The following LAMA2 variants were observed in gnomAD, a reference collection of about 807,000 sequenced individuals.
LAMA2 encodes the protein laminin subunit alpha 2.
A neutral mutation model predicts 364.8 loss-of-function variants in LAMA2; 269 were observed. The observed-to-expected ratio is 0.74, with a 90% CI of 0.67 to 0.82. The LOEUF is 0.82. Ranked by LOEUF, LAMA2 falls within the 40% of genes least tolerant of loss-of-function variation. LAMA2 has a pLI of 0.00. For synonymous variants in LAMA2, 1,379 were observed against 1,370.6 expected (o/e 1.01, Z -0.14); for missense variants, 3,807 against 3,873.2 (o/e 0.98, Z 0.45).
intron 1 of LAMA2, among the ~76,000 whole-genome samples, chr6:128,914,085 A>C (rs1394394365): frequency 6.6e-6 from 1 of 152,206 alleles, no homozygotes; most frequent in Non-Finnish European, 1.5e-5. Context: ...CAAGGTTATT[A>C]ACAGAAATTA....
rs572718535 is a variant in LAMA2 at position 129,281,726 on chromosome 6, C to T, written c.2537+1579C>T. 5.9e-5 allele frequency among the ~76,000 whole-genome samples: 9 copies of T among 152,206 alleles called. No homozygotes were observed. The South Asian group carries it at 8.3e-4, about 14-fold the overall frequency. On this transcript the variant is annotated intron_variant, in intron 18 of 64. Transcript: ENST00000421865. ...CCTGACAGAAAGTATGATTTCCTGT[C>T]TAAAATCTGTATTAATCTGATTCAG...
chr6:129,426,958 T>C (rs1446563499), intron 40 of LAMA2, among the ~76,000 whole-genome samples: 1 of 152,208 alleles, frequency 6.6e-6, no homozygotes, highest in African/African-American at 2.4e-5. Context: ...ACTTTTCCAA[T>C]TTAAAATTTA....
intron 4 of LAMA2, among the ~76,000 whole-genome samples, chr6:129,143,322 TA>T (rs71793304): frequency 0.093 from 13,661 of 146,732 alleles, 653 homozygotes; most frequent in Non-Finnish European, 0.12. Context: ...TATTAATTAC[TA>T]AAAAAAAAAA....
At chr6:129,179,070 T>G (rs1780780711) in intron 10 of LAMA2, among the ~76,000 whole-genome samples, 1 of 152,068 alleles carries the variant, frequency 6.6e-6, no homozygotes, top group South Asian at 2.1e-4. Flanking sequence ...CAATATTATC[T>G]GAAATGAAAA....
intron 3 of LAMA2, among the ~76,000 whole-genome samples, chr6:129,082,420 C>T (rs899262949): frequency 2.0e-5 from 3 of 152,052 alleles, no homozygotes; most frequent in East Asian, 1.9e-4. Context: ...GTGATCCAAA[C>T]GTTTTAAACA....
intron 4 of LAMA2, among the ~76,000 whole-genome samples, chr6:129,121,199 T>C (rs2448012): frequency 0.7 from 105,736 of 152,024 alleles, 39,132 homozygotes; most frequent in East Asian, 0.83. Context: ...AGGGAACTTA[T>C]AAAAACAAAT....
chr6:129,197,492 C>T (rs916330237), intron 12 of LAMA2, among the ~76,000 whole-genome samples: 1 of 152,244 alleles, frequency 6.6e-6, no homozygotes. Flanking sequence ...CACCTCGCTT[C>T]AAGATGTCCT....
chr6:128,905,366 T>G (rs1037520468), intron 1 of LAMA2: 12 of 152,126 alleles, frequency 7.9e-5, no homozygotes, highest in Admixed American at 5.9e-4. Flanking sequence ...TTCACTTTCC[T>G]AAATTTTAAC....
chr6:129,249,664 G>T (rs1220426259), intron 12 of LAMA2, among the ~76,000 whole-genome samples: 1 of 152,166 alleles, frequency 6.6e-6, no homozygotes, highest in Non-Finnish European at 1.5e-5. Context: ...GCTATGTAAA[G>T]TGCCTGTCAA....
At chr6:129,233,861 G>A (rs1034954198) in intron 12 of LAMA2, among the ~76,000 whole-genome samples, 1 of 152,102 alleles carries the variant, frequency 6.6e-6, no homozygotes, top group Non-Finnish European at 1.5e-5. Context: ...CCTTCACTAA[G>A]GGTCTTGAAA....
intron 3 of LAMA2, among the ~76,000 whole-genome samples, chr6:129,066,138 C>A (rs1052344706): frequency 7.1e-6 from 1 of 141,654 alleles, no homozygotes; most frequent in Admixed American, 7.2e-5. Flanking sequence ...CTCCGCCTCC[C>A]GGGTTCATGC....
chr6:129,148,945 C>A, intron 6 of LAMA2, 34 bp from the exon 7 acceptor site: 2 of 1,407,642 alleles, frequency 1.4e-6, no homozygotes, highest in Non-Finnish European at 2.0e-6. Context: ...CTAAATGAGG[C>A]TAAAATTTGT....
intron 3 of LAMA2, among the ~76,000 whole-genome samples, chr6:129,086,806 A>G (rs987393906): frequency 6.6e-6 from 1 of 152,222 alleles, no homozygotes; most frequent in Non-Finnish European, 1.5e-5. Context: ...TCACTGAGCT[A>G]AAGTCCAGGT....
chr6:128,921,097 C>T (rs1778681359), intron 1 of LAMA2, among the ~76,000 whole-genome samples: 1 of 152,104 alleles, frequency 6.6e-6, no homozygotes, highest in African/African-American at 2.4e-5. Flanking sequence ...ATCAGAACAT[C>T]TCATATAGTA....
chr6:129,516,268 C>T lies in LAMA2; in HGVS notation c.9290C>T (p.Thr3097Ile). 1.2e-6 allele frequency: 2 copies of T among 1,614,076 alleles called. No individual in the cohort carries two copies. The highest frequency in any genetic ancestry group is 4.5e-5 in the East Asian group (2 of 44,864). ...AGATCCCTGAAGCTCACCAAAGGCA[C>T]AGGCAAGCCACTGGAGGTTAATTTT... ...CIRSLKLTKG[T>I]GKPLEVNFAK... The change falls in exon 65 of 65, where the codon ACA (threonine) becomes ATA (isoleucine). Residue 3097 changes from threonine to isoleucine, a missense_variant. Around this residue, in one of 3 missense-constraint regions of LAMA2, gnomAD observed 3,333 missense variants for 3,345.7 expected, o/e 1.00. Transcript: ENST00000421865.
chr6:129,034,995 T>C (rs1295075527), intron 1 of LAMA2, among the ~76,000 whole-genome samples: 1 of 152,212 alleles, frequency 6.6e-6, no homozygotes, highest in Non-Finnish European at 1.5e-5. Flanking sequence ...TTTGGGTAGA[T>C]ACCCAGTAAT....
At chr6:129,240,716 T>C (rs1441559246) in intron 12 of LAMA2, among the ~76,000 whole-genome samples, 2 of 152,192 alleles carry the variant, frequency 1.3e-5, no homozygotes, top group Non-Finnish European at 2.9e-5. Flanking sequence ...GTCTTCCTAA[T>C]ACAGAGAGTA....
intron 55 of LAMA2, among the ~76,000 whole-genome samples, chr6:129,481,974 A>G (rs1311512196): frequency 6.6e-6 from 1 of 152,154 alleles, no homozygotes; most frequent in Non-Finnish European, 1.5e-5. Flanking sequence ...GACAGGGACA[A>G]TTTTATCCCA....
At chr6:129,184,813 A>T (rs1484698655) in intron 10 of LAMA2, among the ~76,000 whole-genome samples, 1 of 151,792 alleles carries the variant, frequency 6.6e-6, no homozygotes, top group Non-Finnish European at 1.5e-5. Context: ...TCATCGTTTT[A>T]ACTACTGTCC....
Sources: allele counts gnomAD v4.1 joint callset (sites outside exome capture counted in the v4.1 genomes callset), GRCh38; gene constraint gnomAD v4.1.1; regional missense constraint gnomAD v4.1.1; transcripts MANE v1.5; gene names NCBI Gene and HGNC (gene_info 2026-07-23, HGNC 2026-07-21).